Variants in ATP6V0A4 observed in about 807,000 individuals in gnomAD.
ATP6V0A4 encodes the protein V-type proton ATPase 116 kDa subunit a 4.
A neutral mutation model predicts 107.3 loss-of-function variants in ATP6V0A4; 86 were observed. The ratio of observed to expected loss-of-function variants is 0.80; its 90% CI spans 0.67 to 0.96. The LOEUF (loss-of-function observed/expected upper bound fraction) is 0.96, where lower values mean the gene tolerates loss of function less well. ATP6V0A4 is among the 40% of genes least tolerant of loss of function. The pLI is 0.00. For synonymous variants in ATP6V0A4, 353 were observed against 381.4 expected (o/e 0.93, Z 0.87); for missense variants, 908 against 1,045.6 (o/e 0.87, Z 1.81).
At chr7:138,762,659 T>A (rs113085264) in intron 6 of ATP6V0A4, among the ~76,000 whole-genome samples, 1 of 152,284 alleles carries the variant, frequency 6.6e-6, no homozygotes, top group East Asian at 1.9e-4. Flanking sequence ...TGGTTCTGAC[T>A]TCTCTTTCTG....
At chr7:138,733,521 A>T (rs929863838) in intron 16 of ATP6V0A4, among the ~76,000 whole-genome samples, 2 of 151,052 alleles carry the variant, frequency 1.3e-5, no homozygotes, top group Non-Finnish European at 1.5e-5. Context: ...CCACAGGCCA[A>T]TGGAGACTAT....
chr7:138,784,996 G>A (rs565913611), intron 2 of ATP6V0A4, among the ~76,000 whole-genome samples: 1 of 152,228 alleles, frequency 6.6e-6, no homozygotes, highest in Non-Finnish European at 1.5e-5. Flanking sequence ...CTTGTACCCA[G>A]GATTAGGAAA....
At chr7:138,717,286 G>T (rs1461738544) in intron 19 of ATP6V0A4, among the ~76,000 whole-genome samples, 1 of 152,164 alleles carries the variant, frequency 6.6e-6, no homozygotes, top group Admixed American at 6.6e-5. Context: ...AGGAGATCAC[G>T]CCTGTAATCC....
chr7:138,729,022 C>T (rs1804855725), intron 17 of ATP6V0A4, 160 bp from the exon 18 acceptor site: 1 of 889,780 alleles, frequency 1.1e-6, no homozygotes, highest in Non-Finnish European at 1.3e-6. Context: ...GGAATATTCC[C>T]CTTGCAGATA....
At chr7:138,711,056 C>G (rs1803713478) in intron 20 of ATP6V0A4, among the ~76,000 whole-genome samples, 1 of 152,152 alleles carries the variant, frequency 6.6e-6, no homozygotes, top group Non-Finnish European at 1.5e-5. Flanking sequence ...CCCCTCTGGC[C>G]TGTTCCTATG....
intron 2 of ATP6V0A4, among the ~76,000 whole-genome samples, chr7:138,785,167 T>G (rs1267529157): frequency 6.6e-6 from 1 of 152,204 alleles, no homozygotes; most frequent in African/African-American, 2.4e-5. Flanking sequence ...CAATCTGACT[T>G]TTCTAAAAAG....
chr7:138,769,127 A>G lies in ATP6V0A4; in HGVS notation c.196+46T>C, dbSNP rs773193234. Reference sequence around the variant, plus strand: ...CCTGCAAACTATTAACCCCCTTGCCAGTTCACATTTGAACAGTAAGAAAAA... The same window carrying G: ...CCTGCAAACTATTAACCCCCTTGCCGGTTCACATTTGAACAGTAAGAAAAA... On this transcript the variant is annotated intron_variant, in intron 4 of 21. Coordinates refer to ENST00000310018, the MANE Select transcript of ATP6V0A4 (RefSeq NM_020632.3). 4 of 1,587,812 alleles carry G rather than the reference A, an allele frequency of 2.5e-6. No homozygotes were observed. The African/African-American group carries it at 5.8e-5, about 23-fold the overall frequency.
chr7:138,732,943 G>T lies in ATP6V0A4; in HGVS notation c.1842C>A (p.Ile614=). 1 of 1,613,644 alleles carries T rather than the reference G, an allele frequency of 6.2e-7. No individual in the cohort carries two copies. The highest frequency in any genetic ancestry group is 8.5e-7 in the Non-Finnish European group (1 of 1,179,646). Residue 614 remains isoleucine (I), a synonymous_variant, in exon 17 of 22, where the codon ATC becomes ATA. Coordinates refer to ENST00000310018, the MANE Select transcript of ATP6V0A4 (RefSeq NM_020632.3). The part of the protein sequence containing the change: ...HVSQHAPSIL[I]HFINMFLFNY... ...TAAACAGAAACATGTTGATGAAGTG[G>T]ATGAGGATGCTGGGGGCGTGCTGAG...
intron 2 of ATP6V0A4, among the ~76,000 whole-genome samples, chr7:138,785,285 T>C (rs1350894815): frequency 1.3e-5 from 2 of 151,286 alleles, no homozygotes; most frequent in East Asian, 3.9e-4. Context: ...TTTCTTTTTT[T>C]TTTTTTTTTG....
chr7:138,715,817 A>G lies in ATP6V0A4; in HGVS notation c.2204T>C (p.Ile735Thr). 6.2e-7 allele frequency: 1 copy of G among 1,613,994 alleles called. No homozygotes were observed. The highest frequency in any genetic ancestry group is 8.5e-7 in the Non-Finnish European group (1 of 1,179,900). Residue 735 changes from isoleucine (I) to threonine (T), a missense_variant, in exon 20 of 22, where the codon ATT becomes ACT. Transcript: ENST00000310018. Reference protein sequence around the residue: ...IHTIEYCLGCISNTASYLRLW... With the variant: ...IHTIEYCLGCTSNTASYLRLW... Reference sequence around the variant, plus strand: ...CCGCAGGTAGGAGGCTGTGTTTGAAATGCAGCCCAGGCAGTACTCGATGGT... The same window carrying G: ...CCGCAGGTAGGAGGCTGTGTTTGAAGTGCAGCCCAGGCAGTACTCGATGGT...
intron 1 of ATP6V0A4, among the ~76,000 whole-genome samples, chr7:138,787,807 C>G (rs7801983): frequency 0.57 from 87,258 of 151,870 alleles, 25,393 homozygotes; most frequent in African/African-American, 0.64. Context: ...AGACTAGCCT[C>G]GGTAACAGAG....
intron 5 of ATP6V0A4, chr7:138,764,945 A>C (rs1460018592): frequency 6.5e-6 from 1 of 153,102 alleles, no homozygotes; most frequent in Admixed American, 6.5e-5. Flanking sequence ...GGCGTGTGCC[A>C]CCAGGCCCGG....
chr7:138,716,575 TG>T (rs75876774), intron 19 of ATP6V0A4, among the ~76,000 whole-genome samples: 1,902 of 91,490 alleles, frequency 0.021, 53 homozygotes, highest in African/African-American at 0.069. Context: ...AATTTTTTTT[TG>T]GGGGGGGGGG....
chr7:138,780,007 GC>G (rs1160509687), intron 2 of ATP6V0A4: 4 of 152,156 alleles, frequency 2.6e-5, no homozygotes, highest in Non-Finnish European at 1.5e-5. Context: ...CCTTCAGCAA[GC>G]ACCTCAGCTG....
chr7:138,748,007 C>T (rs1250149973), intron 12 of ATP6V0A4, among the ~76,000 whole-genome samples: 2 of 152,072 alleles, frequency 1.3e-5, no homozygotes, highest in Admixed American at 6.6e-5. Flanking sequence ...CCTCCCACCT[C>T]GGCCTCCCAA....
intron 19 of ATP6V0A4, among the ~76,000 whole-genome samples, chr7:138,718,497 T>G: frequency 2.7e-5 from 3 of 109,834 alleles, no homozygotes; most frequent in Admixed American, 1.1e-4. Flanking sequence ...GTCACGGAGG[T>G]CTGCGGAGGG....
rs1805190161 is a variant in ATP6V0A4, at chr7:138,734,270, G to T, written c.1573-16C>A. The T allele has an allele frequency of 6.2e-7, 1 of 1,612,566 alleles. No homozygotes were observed. Among genetic ancestry groups the T allele is most frequent in the South Asian group, 1.1e-5 (1 of 90,988 alleles). Reference sequence around the variant, plus strand: ...AGTTCCAAATCTGGATGGGAAATGGGACAAAAAACCAAGTGAGAGAGAGTC... The same window carrying T: ...AGTTCCAAATCTGGATGGGAAATGGTACAAAAAACCAAGTGAGAGAGAGTC... On this transcript the variant is annotated splice_polypyrimidine_tract_variant and intron_variant, in intron 15 of 21. Coordinates refer to ENST00000310018, the MANE Select transcript of ATP6V0A4 (RefSeq NM_020632.3).
At chr7:138,763,874 C>T (rs892026011) in intron 5 of ATP6V0A4, among the ~76,000 whole-genome samples, 3 of 150,390 alleles carry the variant, frequency 2.0e-5, no homozygotes, top group African/African-American at 7.3e-5. Context: ...GCAGGAGATT[C>T]GCTTGAATCC....
Position 138,733,063 on chromosome 7 carries a change from C to T in ATP6V0A4, c.1722G>A (p.Leu574=). ...TAAAAATCATCTCAGGGATAAATTG[C>T]AGAATGATGTTGAGAGTTCTTCTGA... ...IYFRRTLNII[L]QFIPEMIFIL... Residue 574 remains leucine, a synonymous_variant, in exon 17 of 22, where the codon CTG becomes CTA. Transcript: ENST00000310018. The T allele has an allele frequency of 6.2e-7, 1 of 1,613,932 alleles. No individual in the cohort carries two copies. The highest frequency in any genetic ancestry group is 8.5e-7 in the Non-Finnish European group (1 of 1,179,942).
Sources: allele counts gnomAD v4.1 joint callset (sites outside exome capture counted in the v4.1 genomes callset), GRCh38; gene constraint gnomAD v4.1.1; transcripts MANE v1.5; gene names NCBI Gene and HGNC (gene_info 2026-07-23, HGNC 2026-07-21).